Variants in SUSD1 observed in about 807,000 individuals in gnomAD.
SUSD1 encodes the protein sushi domain-containing protein 1.
SUSD1 carries 65 observed loss-of-function variants against 86.9 expected under a neutral mutation model. That is an observed-to-expected ratio of 0.75 (90% CI 0.61 to 0.92). The LOEUF (loss-of-function observed/expected upper bound fraction) is 0.92, where lower values mean the gene tolerates loss of function less well. SUSD1 is among the 40% of genes least tolerant of loss of function. The pLI is 0.00. For missense variants in SUSD1, 850 were observed against 929.7 expected (o/e 0.91, Z 1.11); for synonymous variants, 346 against 350.0 (o/e 0.99, Z 0.13).
chr9:112,072,290 C>T (rs1829318351), intron 12 of SUSD1, among the ~76,000 whole-genome samples: 1 of 151,536 alleles, frequency 6.6e-6, no homozygotes, highest in Non-Finnish European at 1.5e-5. Flanking sequence ...GGTGGGATTA[C>T]AAGCACCCAC....
chr9:112,122,309 C>T (rs1170051877), intron 6 of SUSD1, among the ~76,000 whole-genome samples: 1 of 152,142 alleles, frequency 6.6e-6, no homozygotes, highest in Non-Finnish European at 1.5e-5. Flanking sequence ...TACAGGTGTG[C>T]ACCGCCACAC....
chr9:112,093,933 T>C (rs1379880497), intron 10 of SUSD1, among the ~76,000 whole-genome samples: 3 of 151,548 alleles, frequency 2.0e-5, no homozygotes, highest in Non-Finnish European at 4.4e-5. Context: ...TAGCTACCAC[T>C]TTTTTTTTAT....
At chr9:112,054,268 C>T (rs1294698107) in intron 14 of SUSD1, among the ~76,000 whole-genome samples, 1 of 152,110 alleles carries the variant, frequency 6.6e-6, no homozygotes, top group South Asian at 2.1e-4. Context: ...ACAAGAGTGC[C>T]AAGACCATTC....
At chr9:112,070,346 T>G (rs1005135519) in intron 12 of SUSD1, among the ~76,000 whole-genome samples, 1 of 152,178 alleles carries the variant, frequency 6.6e-6, no homozygotes, top group Non-Finnish European at 1.5e-5. Context: ...TTCTCTCCAA[T>G]GTACAAGCCT....
At chr9:112,051,208 G>T (rs1203096562) in intron 15 of SUSD1, among the ~76,000 whole-genome samples, 1 of 152,074 alleles carries the variant, frequency 6.6e-6, no homozygotes, top group Non-Finnish European at 1.5e-5. Flanking sequence ...GGTTAAATTT[G>T]CCATTTAGTC....
chr9:112,098,807 C>A, intron 9 of SUSD1, 145 bp from the exon 10 acceptor site: 1 of 756,384 alleles, frequency 1.3e-6, no homozygotes, highest in Non-Finnish European at 2.1e-6. Flanking sequence ...CAATAGCAAG[C>A]TAACCTGAGG....
At chr9:112,171,744 C>T (rs1834055090) in intron 1 of SUSD1, among the ~76,000 whole-genome samples, 1 of 152,132 alleles carries the variant, frequency 6.6e-6, no homozygotes, top group African/African-American at 2.4e-5. Flanking sequence ...TTAACTATCT[C>T]ATTTATTTTT....
intron 8 of SUSD1, among the ~76,000 whole-genome samples, chr9:112,106,924 C>T (rs1410605342): frequency 6.6e-6 from 1 of 151,078 alleles, no homozygotes; most frequent in Non-Finnish European, 1.5e-5. Flanking sequence ...AAAAGAAAAT[C>T]TGTGTAACAA....
intron 1 of SUSD1, among the ~76,000 whole-genome samples, chr9:112,170,323 A>T (rs1410465599): frequency 6.6e-6 from 1 of 152,218 alleles, no homozygotes; most frequent in Non-Finnish European, 1.5e-5. Context: ...CATGAAATGC[A>T]TGATGAGTGA....
chr9:112,151,059 T>C (rs1379952367), intron 2 of SUSD1, among the ~76,000 whole-genome samples: 1 of 152,224 alleles, frequency 6.6e-6, no homozygotes, highest in East Asian at 1.9e-4. Context: ...CTCAGCCTCC[T>C]GGGGCTAGGA....
At chr9:112,057,532 C>A (rs1828505947) in intron 14 of SUSD1, among the ~76,000 whole-genome samples, 1 of 152,194 alleles carries the variant, frequency 6.6e-6, no homozygotes, top group Admixed American at 6.6e-5. Context: ...TGGGCTTTAA[C>A]TTTCCTTTCT....
intron 8 of SUSD1, among the ~76,000 whole-genome samples, chr9:112,103,948 CA>C (rs1354315576): frequency 1.3e-5 from 2 of 152,188 alleles, no homozygotes; most frequent in Non-Finnish European, 2.9e-5. Flanking sequence ...CAGTGGTTCC[CA>C]AACTGCACAT....
intron 8 of SUSD1, chr9:112,104,838 G>A (rs890252231): frequency 6.6e-6 from 1 of 152,108 alleles, no homozygotes; most frequent in Non-Finnish European, 1.5e-5. Flanking sequence ...TCCAGAATGG[G>A]GGGGAAAAAC....
chr9:112,082,298 C>T (rs945898739), intron 10 of SUSD1, among the ~76,000 whole-genome samples: 10 of 152,170 alleles, frequency 6.6e-5, no homozygotes, highest in Admixed American at 6.5e-4. Context: ...TAATGACCCC[C>T]ACCCGCCACC....
chr9:112,079,603 C>T (rs1589622759), intron 11 of SUSD1, among the ~76,000 whole-genome samples: 1 of 141,718 alleles, frequency 7.1e-6, no homozygotes, highest in Non-Finnish European at 1.5e-5. Flanking sequence ...TCTTCCCCCT[C>T]CTTTTTTTTT....
intron 5 of SUSD1, among the ~76,000 whole-genome samples, chr9:112,125,528 C>A (rs979292402): frequency 1.4e-5 from 2 of 142,080 alleles, no homozygotes; most frequent in Non-Finnish European, 1.5e-5. Context: ...CCCAGTTATA[C>A]CTAAACGCAG....
At chr9:112,125,375 C>G (rs993726476) in intron 5 of SUSD1, among the ~76,000 whole-genome samples, 9 of 151,900 alleles carry the variant, frequency 5.9e-5, no homozygotes, top group Admixed American at 3.3e-4. Context: ...TTCAATAAAA[C>G]CAGAGCAGTG....
chr9:112,119,046 G>T (rs80110424), intron 6 of SUSD1, among the ~76,000 whole-genome samples: 3,823 of 152,208 alleles, frequency 0.025, 137 homozygotes, highest in Admixed American at 0.08. Context: ...GGGCTTACAG[G>T]CCTCAGTTCA....
chr9:112,158,554 T>C (rs1381892936), intron 1 of SUSD1, among the ~76,000 whole-genome samples: 1 of 151,828 alleles, frequency 6.6e-6, no homozygotes, highest in Non-Finnish European at 1.5e-5. Context: ...ACCACACCCA[T>C]CTAATTTTTG....
Sources: gnomAD v4.1 joint callset for allele counts (sites outside exome capture counted in the v4.1 genomes callset) on GRCh38, gnomAD v4.1.1 for gene constraint, MANE v1.5 for transcripts, NCBI Gene and HGNC (gene_info 2026-07-23, HGNC 2026-07-21) for gene names.